The following PFKP variants were observed in gnomAD, a reference collection of about 807,000 sequenced individuals.
The protein encoded by PFKP is ATP-dependent 6-phosphofructokinase, platelet type.
In PFKP, 101 loss-of-function variants were observed where a neutral mutation model predicts 94.3. The observed-to-expected ratio is 1.07, with a 90% CI of 0.91 to 1.26. The LOEUF is 1.26. Ranked by LOEUF, PFKP falls within the 50% of genes most tolerant of loss-of-function variation. The probability of loss-of-function intolerance (pLI) is 0.00; values close to 1 mark genes in which losing one functional copy is unlikely to be tolerated. For synonymous variants in PFKP, 573 were observed against 432.6 expected (o/e 1.32, Z -4.03); for missense variants, 1,145 against 1,103.3 (o/e 1.04, Z -0.53).
intron 7 of PFKP, 75 bp from the exon 8 acceptor site, chr10:3,107,139 C>T (rs1241571934): frequency 1.6e-5 from 15 of 911,084 alleles, no homozygotes; most frequent in South Asian, 2.7e-5. Flanking sequence ...TTGAGACAGA[C>T]TTCTGTGGTT....
chr10:3,073,769 A>G (rs1337908069), intron 1 of PFKP, among the ~76,000 whole-genome samples: 2 of 152,166 alleles, frequency 1.3e-5, no homozygotes, highest in East Asian at 3.9e-4. Flanking sequence ...TCAGTCCTTC[A>G]TATCTTTTCA....
intron 2 of PFKP, among the ~76,000 whole-genome samples, chr10:3,093,879 G>C (rs766001357): frequency 6.6e-6 from 1 of 152,116 alleles, no homozygotes; most frequent in Non-Finnish European, 1.5e-5. Flanking sequence ...TCCTGACCTT[G>C]TGATCCGCCC....
At chr10:3,125,118 A>G (rs1381065480) in intron 16 of PFKP, 2 of 1,322,760 alleles carry the variant, frequency 1.5e-6, no homozygotes, top group Admixed American at 2.3e-5. Flanking sequence ...TGCGTGCGAC[A>G]TGGCCGAGGC....
At chr10:3,111,168 ATGTG>A (rs990215096) in intron 10 of PFKP, among the ~76,000 whole-genome samples, 7 of 151,126 alleles carry the variant, frequency 4.6e-5, no homozygotes, top group African/African-American at 1.5e-4. Flanking sequence ...GTTTATATGG[ATGTG>A]TGTGTATGTT....
intron 2 of PFKP, among the ~76,000 whole-genome samples, chr10:3,094,438 C>T (rs943123458): frequency 6.6e-6 from 1 of 152,184 alleles, no homozygotes; most frequent in Non-Finnish European, 1.5e-5. Context: ...AAGAAGAAAT[C>T]CTGAGGCTGC....
At chr10:3,102,232 C>A (rs1207377623) in intron 4 of PFKP, among the ~76,000 whole-genome samples, 5 of 97,228 alleles carry the variant, frequency 5.1e-5, no homozygotes, top group African/African-American at 1.6e-4. Flanking sequence ...GCCTGGGCGA[C>A]AGAGCGAGAC....
chr10:3,103,939 C>G lies in PFKP; in HGVS notation c.615C>G (p.Ala205=). ...TCGTCGACGCCATCATGACCACGGC[C>G]CAGAGGTAAAGCGCTCAGAGGAACC... The part of the protein sequence containing the change: ...IEVVDAIMTT[A]QSHQRTFVLE... The change falls in exon 5 of 22, where the codon GCC becomes GCG. Residue 205 remains alanine, a synonymous_variant. Transcript: ENST00000381125. The G allele has an allele frequency of 6.2e-7, 1 of 1,613,366 alleles. No homozygotes were observed. The highest frequency in any genetic ancestry group is 8.5e-7 in the Non-Finnish European group (1 of 1,179,972).
At chr10:3,122,184 G>A (rs1452819115) in intron 16 of PFKP, among the ~76,000 whole-genome samples, 3 of 152,036 alleles carry the variant, frequency 2.0e-5, no homozygotes, top group African/African-American at 2.4e-5. Flanking sequence ...TGAGCCTCCC[G>A]TTGGCCAGGC....
chr10:3,100,410 T>A (rs1252192833), intron 3 of PFKP, among the ~76,000 whole-genome samples: 1 of 141,730 alleles, frequency 7.1e-6, no homozygotes, highest in Non-Finnish European at 1.5e-5. Flanking sequence ...AATGTTTTGA[T>A]AAATTAAATG....
intron 9 of PFKP, 103 bp downstream of exon 9, chr10:3,108,896 C>G (rs934448274): frequency 3.6e-6 from 3 of 838,322 alleles, no homozygotes; most frequent in East Asian, 2.4e-5. Context: ...AGGTGCTCCC[C>G]GAGAGATGCC....
At chr10:3,126,262 C>G (rs986722300) in intron 16 of PFKP, among the ~76,000 whole-genome samples, 2 of 152,206 alleles carry the variant, frequency 1.3e-5, no homozygotes, top group African/African-American at 2.4e-5. Flanking sequence ...GCCTCCCACT[C>G]GAGCTGAGGG....
At chr10:3,078,282 C>T (rs1364604677) in intron 1 of PFKP, among the ~76,000 whole-genome samples, 3 of 151,386 alleles carry the variant, frequency 2.0e-5, no homozygotes, top group Middle Eastern at 3.4e-3. Context: ...CAGGTGTGCA[C>T]GTCTTCGTCC....
intron 2 of PFKP, among the ~76,000 whole-genome samples, chr10:3,088,958 GT>G (rs1040740418): frequency 6.6e-6 from 1 of 152,018 alleles, no homozygotes; most frequent in Non-Finnish European, 1.5e-5. Flanking sequence ...TCCATACAGA[GT>G]TTTGCTCTGT....
At chr10:3,128,606 C>T in intron 16 of PFKP, among the ~76,000 whole-genome samples, 1 of 152,266 alleles carries the variant, frequency 6.6e-6, no homozygotes, top group Middle Eastern at 3.2e-3. Flanking sequence ...AGTTGCGGGC[C>T]TTGCACGCCT....
intron 10 of PFKP, 105 bp downstream of exon 10, chr10:3,109,585 A>G: frequency 7.3e-7 from 1 of 1,368,232 alleles, no homozygotes; most frequent in Non-Finnish European, 1.0e-6. Flanking sequence ...TGCACGATGC[A>G]TTACACGGCC....
chr10:3,112,854 C>T (rs1401448088), intron 11 of PFKP, among the ~76,000 whole-genome samples: 1 of 152,238 alleles, frequency 6.6e-6, no homozygotes, highest in Non-Finnish European at 1.5e-5. Flanking sequence ...AGGCTTGAGC[C>T]ACCGCACGCA....
At chr10:3,080,509 TCC>T (rs1832973839) in intron 1 of PFKP, among the ~76,000 whole-genome samples, 1 of 97,806 alleles carries the variant, frequency 1.0e-5, no homozygotes. Flanking sequence ...AGAGCGAGAC[TCC>T]GTCTCAAAAA....
Position 3,136,451 on chromosome 10 carries a change from C to T in PFKP, c.2227C>T (p.His743Tyr). ...TGCTGTCTCCTCTTACCTCCACAGGCACAGGATTCCCAAAGAACAGTGGTG... is the reference window on the plus strand; with the variant it reads ...TGCTGTCTCCTCTTACCTCCACAGGTACAGGATTCCCAAAGAACAGTGGTG... ...AELKKQTDFEHRIPKEQWWLK... is the reference protein window; with the variant it reads ...AELKKQTDFEYRIPKEQWWLK... Residue 743 changes from histidine to tyrosine, a missense_variant and splice_region_variant, in exon 22 of 22, where the codon CAC becomes TAC. Physicochemically the swap from His to Tyr is moderately conservative, Grantham distance 83. Transcript: ENST00000381125. 6.2e-7 allele frequency: 1 copy of T among 1,613,510 alleles called. No individual in the cohort carries two copies. The highest frequency in any genetic ancestry group is 8.5e-7 in the Non-Finnish European group (1 of 1,179,620).
intron 1 of PFKP, among the ~76,000 whole-genome samples, chr10:3,077,563 G>A (rs1432190579): frequency 6.6e-6 from 1 of 150,670 alleles, no homozygotes; most frequent in Non-Finnish European, 1.5e-5. Flanking sequence ...ATCGTGCCTG[G>A]CCTATTCCTT....
Sources: allele counts gnomAD v4.1 joint callset (sites outside exome capture counted in the v4.1 genomes callset), GRCh38; gene constraint gnomAD v4.1.1; transcripts MANE v1.5; gene names NCBI Gene and HGNC (gene_info 2026-07-23, HGNC 2026-07-21).